Variants in TBC1D14 observed in about 807,000 individuals in gnomAD.
The protein encoded by TBC1D14 is TBC1 domain family member 14.
A neutral mutation model predicts 79.0 loss-of-function variants in TBC1D14; 26 were observed. The ratio of observed to expected loss-of-function variants is 0.33; its 90% CI spans 0.24 to 0.46. TBC1D14 has a LOEUF of 0.46. Ranked by LOEUF, TBC1D14 falls within the 20% of genes least tolerant of loss-of-function variation. The probability of loss-of-function intolerance (pLI) is 1.00; values close to 1 mark genes in which losing one functional copy is unlikely to be tolerated. For synonymous variants in TBC1D14, 394 were observed against 349.9 expected (o/e 1.13, Z -1.40); for missense variants, 769 against 887.6 (o/e 0.87, Z 1.70).
At chr4:6,958,625 A>C (rs555990896) in intron 2 of TBC1D14, among the ~76,000 whole-genome samples, 1 of 152,026 alleles carries the variant, frequency 6.6e-6, no homozygotes, top group Non-Finnish European at 1.5e-5. Context: ...TGTAGACATG[A>C]GGTCTTACTA....
chr4:7,025,289 C>A, intron 13 of TBC1D14, 27 bp downstream of exon 13: 1 of 1,612,998 alleles, frequency 6.2e-7, no homozygotes, highest in South Asian at 1.1e-5. Context: ...TTCTTGGCTT[C>A]CCACAGCGTA....
intron 3 of TBC1D14, among the ~76,000 whole-genome samples, chr4:6,984,849 G>C (rs917994855): frequency 4.6e-5 from 7 of 152,248 alleles, no homozygotes; most frequent in African/African-American, 1.7e-4. Flanking sequence ...GACTGTCTGT[G>C]TTCTAAGTCT....
At chr4:6,952,751 G>A (rs1714158125) in intron 2 of TBC1D14, among the ~76,000 whole-genome samples, 2 of 152,172 alleles carry the variant, frequency 1.3e-5, no homozygotes, top group African/African-American at 4.8e-5. Flanking sequence ...GGATGATTCT[G>A]CAGGGGCTAG....
At position 6,953,244 on chromosome 4, in the gene TBC1D14, T is replaced by C. The variant is rs1714233161; in HGVS notation, c.723-14060T>C. Among the ~76,000 whole-genome samples the C allele has an allele frequency of 2.7e-5, 4 of 147,530 alleles. No homozygotes were observed. In the South Asian group the frequency reaches 6.4e-4, roughly 24 times the overall value. On this transcript the variant is annotated intron_variant, in intron 2 of 13. Coordinates refer to ENST00000409757, the MANE Select transcript of TBC1D14 (RefSeq NM_020773.3). ...TTCACCATCTTGGCCAGGCTGGTCT[T>C]GAACTCCTGACCTCGTGTTCCACCC... is the stretch of plus-strand genomic sequence containing the variant.
chr4:6,935,437 C>T (rs980849875), intron 2 of TBC1D14, among the ~76,000 whole-genome samples: 9 of 152,000 alleles, frequency 5.9e-5, no homozygotes, highest in Admixed American at 6.5e-5. Context: ...GAGAGTCCAG[C>T]GTAGCAGGCG....
At chr4:6,924,788 T>G (rs191450177) in intron 2 of TBC1D14, among the ~76,000 whole-genome samples, 14 of 152,290 alleles carry the variant, frequency 9.2e-5, no homozygotes, top group African/African-American at 3.1e-4. Context: ...TCTCATGCTT[T>G]TGTTCAACAA....
At chr4:6,999,393 C>A (rs1719427322) in intron 6 of TBC1D14, among the ~76,000 whole-genome samples, 191 bp downstream of exon 6, 1 of 152,090 alleles carries the variant, frequency 6.6e-6, no homozygotes, top group Admixed American at 6.5e-5. Flanking sequence ...GCCCCTTCCC[C>A]TCCCTTCCAG....
At chr4:6,941,452 T>C (rs959579099) in intron 2 of TBC1D14, among the ~76,000 whole-genome samples, 1 of 152,214 alleles carries the variant, frequency 6.6e-6, no homozygotes, top group African/African-American at 2.4e-5. Flanking sequence ...CCCAAAGTGC[T>C]GGGATTCCTG....
intron 2 of TBC1D14, among the ~76,000 whole-genome samples, chr4:6,959,071 G>C (rs1445020800): frequency 2.0e-5 from 3 of 152,002 alleles, no homozygotes; most frequent in African/African-American, 4.8e-5. Context: ...ATTTTTAGTA[G>C]AGGCGGGGTT....
Position 7,014,498 on chromosome 4 carries a change from G to C in TBC1D14, c.1698G>C (p.Pro566=). The C allele has an allele frequency of 6.2e-7, 1 of 1,613,818 alleles. No homozygotes were observed. Among genetic ancestry groups the C allele is most frequent in the African/African-American group, 1.3e-5 (1 of 74,912 alleles). ...AFEVFFEENL[P]KLFAHFKKNN... Reference sequence around the variant, plus strand: ...AAGTATTCTTTGAAGAAAATTTGCCGAAATTATTTGCGCATTTCAAGAAGA... The same window carrying C: ...AAGTATTCTTTGAAGAAAATTTGCCCAAATTATTTGCGCATTTCAAGAAGA... The change falls in exon 12 of 14, where the codon CCG becomes CCC. Residue 566 remains proline (P), a synonymous_variant. Transcript: ENST00000409757.
chr4:6,951,299 AT>A (rs1714015120), intron 2 of TBC1D14, among the ~76,000 whole-genome samples: 1 of 152,106 alleles, frequency 6.6e-6, no homozygotes. Context: ...CTCAAAAAAA[AT>A]AAACAACAAC....
intron 2 of TBC1D14, among the ~76,000 whole-genome samples, chr4:6,935,186 G>C (rs1156814163): frequency 6.6e-6 from 1 of 152,106 alleles, no homozygotes; most frequent in African/African-American, 2.4e-5. Context: ...CTACAGAGTG[G>C]AGCAGAGAAT....
rs777905955 is a variant in TBC1D14, at chr4:6,996,422, A to G, written c.1045+15A>G. The G allele has an allele frequency of 1.2e-5, 19 of 1,596,344 alleles. No homozygotes were observed. The highest frequency in any genetic ancestry group is 1.6e-5 in the Non-Finnish European group (19 of 1,164,330). ...CAAAAAGCGAGGTAATGGGGTTCACACTTGATGGGTTAAATCAGGCAGCAC... is the reference window on the plus strand; with the variant it reads ...CAAAAAGCGAGGTAATGGGGTTCACGCTTGATGGGTTAAATCAGGCAGCAC... On this transcript the variant is annotated intron_variant, in intron 5 of 13. Coordinates refer to ENST00000409757, the MANE Select transcript of TBC1D14 (RefSeq NM_020773.3).
chr4:6,935,647 A>T (rs1577058329), intron 2 of TBC1D14, among the ~76,000 whole-genome samples: 1 of 106,132 alleles, frequency 9.4e-6, no homozygotes. Flanking sequence ...GTGTGAGTGT[A>T]CTTTTTTTTT....
chr4:6,978,824 T>C (rs1717093260), intron 3 of TBC1D14, among the ~76,000 whole-genome samples: 1 of 151,696 alleles, frequency 6.6e-6, no homozygotes, highest in African/African-American at 2.4e-5. Flanking sequence ...GACGTGTGCA[T>C]GGGGTTCTTA....
At chr4:6,973,780 C>T (rs1241096993) in intron 3 of TBC1D14, among the ~76,000 whole-genome samples, 3 of 152,054 alleles carry the variant, frequency 2.0e-5, no homozygotes, top group Non-Finnish European at 4.4e-5. Flanking sequence ...GTCTCTAACA[C>T]TTAGAATGAA....
At chr4:6,956,073 G>T (rs1038129385) in intron 2 of TBC1D14, among the ~76,000 whole-genome samples, 4 of 152,202 alleles carry the variant, frequency 2.6e-5, no homozygotes, top group Non-Finnish European at 4.4e-5. Flanking sequence ...GCGGTAATTA[G>T]AAGAGGTGGT....
chr4:6,945,724 G>C (rs976882585), intron 2 of TBC1D14, among the ~76,000 whole-genome samples: 7 of 127,846 alleles, frequency 5.5e-5, no homozygotes, highest in Non-Finnish European at 9.5e-5. Flanking sequence ...GCTCCAGCCT[G>C]GGCAACTAGA....
intron 2 of TBC1D14, among the ~76,000 whole-genome samples, chr4:6,946,477 G>T (rs147201708): frequency 6.6e-6 from 1 of 151,990 alleles, no homozygotes; most frequent in African/African-American, 2.4e-5. Flanking sequence ...GTGCCACCAG[G>T]CCCAGCTAAT....
Sources: gnomAD v4.1 joint callset for allele counts (sites outside exome capture counted in the v4.1 genomes callset) on GRCh38, gnomAD v4.1.1 for gene constraint, MANE v1.5 for transcripts, NCBI Gene and HGNC (gene_info 2026-07-23, HGNC 2026-07-21) for gene names.